The following CIB2 variants were observed in gnomAD, a reference collection of about 807,000 sequenced individuals.
CIB2 encodes the protein calcium and integrin binding family member 2, also known as calcium and integrin-binding family member 2.
A neutral mutation model predicts 23.1 loss-of-function variants in CIB2; 19 were observed. The observed-to-expected ratio is 0.82, with a 90% CI of 0.57 to 1.21. The LOEUF (loss-of-function observed/expected upper bound fraction) is 1.21, where lower values mean the gene tolerates loss of function less well. CIB2 is among the 50% of genes most tolerant of loss of function. The pLI, the probability that CIB2 is intolerant of heterozygous loss-of-function variation, is 0.00. For synonymous variants in CIB2, 94 were observed against 91.7 expected (o/e 1.03, Z -0.14); for missense variants, 220 against 241.5 (o/e 0.91, Z 0.59).
chr15:78,106,899 G>A (rs1033600317), intron 4 of CIB2, among the ~76,000 whole-genome samples: 5 of 152,078 alleles, frequency 3.3e-5, no homozygotes, highest in African/African-American at 4.8e-5. Context: ...AAAACTATGA[G>A]GCAGGCACAA....
intron 2 of CIB2, among the ~76,000 whole-genome samples, chr15:78,118,588 C>CAAA (rs56911890): frequency 2.9e-5 from 3 of 102,496 alleles, no homozygotes; most frequent in South Asian, 3.3e-4. Context: ...GACTCCGTCT[C>CAAA]AAAAAAAAAA....
chr15:78,119,714 AG>A (rs1214918642), intron 2 of CIB2, among the ~76,000 whole-genome samples: 1 of 152,020 alleles, frequency 6.6e-6, no homozygotes, highest in Non-Finnish European at 1.5e-5. Flanking sequence ...CTGGGACTAC[AG>A]GAACACACCA....
chr15:78,107,354 C>T (rs2074087296), intron 4 of CIB2, among the ~76,000 whole-genome samples: 1 of 152,208 alleles, frequency 6.6e-6, no homozygotes, highest in African/African-American at 2.4e-5. Flanking sequence ...TCTATCTCTG[C>T]AGAGGCCTGG....
intron 2 of CIB2, among the ~76,000 whole-genome samples, chr15:78,114,650 C>T (rs1358796692): frequency 2.6e-5 from 4 of 151,924 alleles, no homozygotes; most frequent in Non-Finnish European, 5.9e-5. Context: ...AAATAACATA[C>T]TGGGGGCCAG....
At chr15:78,113,376 G>A (rs1426568364) in intron 2 of CIB2, among the ~76,000 whole-genome samples, 4 of 152,138 alleles carry the variant, frequency 2.6e-5, no homozygotes, top group East Asian at 3.9e-4. Flanking sequence ...ATGCCAGGGC[G>A]GTGGGATCAA....
chr15:78,108,298 C>T (rs16953973), intron 4 of CIB2, among the ~76,000 whole-genome samples: 18,541 of 151,994 alleles, frequency 0.12, 1,127 homozygotes, highest in African/African-American at 0.14. Flanking sequence ...TCTGATCAAA[C>T]GTGCTGAGGA....
At chr15:78,121,080 T>A (rs1455835616) in intron 2 of CIB2, among the ~76,000 whole-genome samples, 1 of 152,154 alleles carries the variant, frequency 6.6e-6, no homozygotes, top group Non-Finnish European at 1.5e-5. Flanking sequence ...AAACTGGAAT[T>A]GAGCCATCAT....
intron 2 of CIB2, among the ~76,000 whole-genome samples, chr15:78,114,836 T>C (rs970751628): frequency 6.6e-6 from 1 of 151,116 alleles, no homozygotes; most frequent in Non-Finnish European, 1.5e-5. Context: ...TAGTCCTAGC[T>C]ACTCAGGAGG....
At chr15:78,116,230 G>A (rs1026169232) in intron 2 of CIB2, among the ~76,000 whole-genome samples, 121 of 152,110 alleles carry the variant, frequency 8.0e-4, no homozygotes, top group African/African-American at 2.7e-3. Flanking sequence ...AGGCCGAGGC[G>A]AGCCAATCAC....
chr15:78,126,154 T>C (rs1168202581), intron 1 of CIB2, among the ~76,000 whole-genome samples: 1 of 138,872 alleles, frequency 7.2e-6, no homozygotes, highest in Non-Finnish European at 1.5e-5. Flanking sequence ...CCCCCCCTTT[T>C]TTTTTTGAGA....
chr15:78,108,623 C>T (rs2074106411), intron 4 of CIB2, among the ~76,000 whole-genome samples: 1 of 152,204 alleles, frequency 6.6e-6, no homozygotes, highest in Non-Finnish European at 1.5e-5. Flanking sequence ...GGCCCCCCTG[C>T]AGGCCTGGCC....
At chr15:78,113,298 T>C (rs1471978649) in intron 2 of CIB2, among the ~76,000 whole-genome samples, 1 of 152,190 alleles carries the variant, frequency 6.6e-6, no homozygotes, top group Non-Finnish European at 1.5e-5. Flanking sequence ...GGATGTGCCA[T>C]GACTTGGAGA....
chr15:78,111,318 C>A (rs367662751), intron 2 of CIB2, 42 bp from the exon 3 acceptor site: 21 of 1,528,252 alleles, frequency 1.4e-5, no homozygotes, highest in Non-Finnish European at 1.7e-5. Flanking sequence ...GGGGTGCCAT[C>A]CCTAAGCCCC....
At chr15:78,123,634 A>G in intron 2 of CIB2, 71 bp downstream of exon 2, 5 of 1,525,490 alleles carry the variant, frequency 3.3e-6, no homozygotes, top group Non-Finnish European at 4.5e-6. Context: ...CAGCCAGCCC[A>G]TGTGGGGTGC....
In CIB2 at chr15:78,105,941, G is replaced by A. The variant is rs369495332; in HGVS notation, c.347-7C>T. On this transcript the variant is annotated splice_polypyrimidine_tract_variant and splice_region_variant and intron_variant, in intron 4 of 5. Coordinates refer to ENST00000258930, the MANE Select transcript of CIB2 (RefSeq NM_006383.4). ...AAGTTGTCAGTGTTGAAGTCTGTAG[G>A]GCAGGGGTTGGACATGTTCAAGTCC... 3.1e-6 allele frequency: 5 copies of A among 1,613,118 alleles called. No individual in the cohort carries two copies. The highest frequency in any genetic ancestry group is 4.2e-6 in the Non-Finnish European group (5 of 1,179,320).
chr15:78,112,799 C>A (rs1455073458), intron 2 of CIB2, among the ~76,000 whole-genome samples: 2 of 152,194 alleles, frequency 1.3e-5, no homozygotes, highest in Non-Finnish European at 2.9e-5. Flanking sequence ...CCAGGCCCAC[C>A]TTTATCAAGC....
intron 1 of CIB2, among the ~76,000 whole-genome samples, chr15:78,127,566 T>C (rs2074397940): frequency 6.6e-6 from 1 of 152,108 alleles, no homozygotes; most frequent in Non-Finnish European, 1.5e-5. Context: ...CCAACTGGAG[T>C]GCCCTCTCCT....
chr15:78,105,300 C>T lies in CIB2; in HGVS notation c.*11G>A, dbSNP rs765275802. 9 of 1,613,940 alleles carry T rather than the reference C, an allele frequency of 5.6e-6. No homozygotes were observed. Among genetic ancestry groups the T allele is most frequent in the East Asian group, 2.2e-5 (1 of 44,866 alleles). ...GTGGACTTCTAGGCCCCTACAGCCT[C>T]GGCAGTGTCCTCAGATCCGGATGTG... is the stretch of plus-strand genomic sequence containing the variant. On this transcript the variant is annotated 3_prime_UTR_variant, in exon 6 of 6. Transcript: ENST00000258930.
At position 78,109,823 on chromosome 15, in the gene CIB2, A is replaced by G. The variant is rs1459632146; in HGVS notation, c.199-441T>C. ...CCATGTCTCCAAAAAAAAAAAAAAA[A>G]AAAAATGCTGAGCACAGCCAGTGTG... On this transcript the variant is annotated intron_variant, in intron 3 of 5. Coordinates refer to ENST00000258930, the MANE Select transcript of CIB2 (RefSeq NM_006383.4). 2.0e-5 allele frequency among the ~76,000 whole-genome samples: 3 copies of G among 151,808 alleles called. No homozygotes were observed. In the East Asian group the frequency reaches 5.8e-4, roughly 29 times the overall value.
Sources: gnomAD v4.1 joint callset for allele counts (sites outside exome capture counted in the v4.1 genomes callset) on GRCh38, gnomAD v4.1.1 for gene constraint, MANE v1.5 for transcripts, NCBI Gene and HGNC (gene_info 2026-07-23, HGNC 2026-07-21) for gene names.